CRADD: variants seen among roughly 807,000 people sequenced by gnomAD.
CRADD encodes death domain-containing protein CRADD.
CRADD carries 9 observed loss-of-function variants against 15.5 expected under a neutral mutation model. That is an observed-to-expected ratio of 0.58 (90% CI 0.35 to 1.01). CRADD has a LOEUF of 1.01. CRADD is among the 50% of genes least tolerant of loss of function. CRADD has a pLI of 0.02. For missense variants in CRADD, 227 were observed against 250.3 expected (o/e 0.91, Z 0.63); for synonymous variants, 118 against 107.6 (o/e 1.10, Z -0.60).
At chr12:93,681,695 G>A (rs564882045) in intron 2 of CRADD, among the ~76,000 whole-genome samples, 5 of 152,018 alleles carry the variant, frequency 3.3e-5, no homozygotes, top group East Asian at 3.8e-4. Flanking sequence ...TAAAAACCCC[G>A]GGCACTCCTT....
chr12:93,687,770 G>C (rs1955471199), intron 2 of CRADD, among the ~76,000 whole-genome samples: 1 of 152,166 alleles, frequency 6.6e-6, no homozygotes, highest in African/African-American at 2.4e-5. Context: ...TTTATTCCTT[G>C]AATTTCCTGA....
intron 2 of CRADD, among the ~76,000 whole-genome samples, chr12:93,707,080 G>A (rs1384173984): frequency 6.6e-6 from 1 of 152,126 alleles, no homozygotes; most frequent in Non-Finnish European, 1.5e-5. Flanking sequence ...CCCATTCAAA[G>A]TCATCTCATT....
intron 2 of CRADD, chr12:93,735,677 GA>G (rs1956554133): frequency 6.6e-6 from 1 of 152,160 alleles, no homozygotes. Context: ...AAGGCGAGAA[GA>G]TCGCTTGAAG....
At chr12:93,697,249 GC>G (rs1430036477) in intron 2 of CRADD, among the ~76,000 whole-genome samples, 1 of 152,204 alleles carries the variant, frequency 6.6e-6, no homozygotes, top group Non-Finnish European at 1.5e-5. Flanking sequence ...AGTCATAGGG[GC>G]TTTACCCTCA....
chr12:93,729,479 A>G (rs1258063415), intron 2 of CRADD, among the ~76,000 whole-genome samples: 1 of 152,106 alleles, frequency 6.6e-6, no homozygotes, highest in Non-Finnish European at 1.5e-5. Context: ...AGCAGAAACT[A>G]AATAAATTTT....
At chr12:93,687,322 C>T (rs1472400957) in intron 2 of CRADD, among the ~76,000 whole-genome samples, 5 of 152,130 alleles carry the variant, frequency 3.3e-5, no homozygotes, top group African/African-American at 7.2e-5. Flanking sequence ...ATAGACCGTT[C>T]GGCTGCATCA....
intron 2 of CRADD, among the ~76,000 whole-genome samples, chr12:93,711,908 A>G (rs1956081883): frequency 6.6e-6 from 1 of 152,084 alleles, no homozygotes; most frequent in Admixed American, 6.5e-5. Context: ...GGCGTGAGCC[A>G]CCACTCCTGG....
chr12:93,705,488 G>A (rs1416327528), intron 2 of CRADD, among the ~76,000 whole-genome samples: 1 of 152,160 alleles, frequency 6.6e-6, no homozygotes, highest in Non-Finnish European at 1.5e-5. Flanking sequence ...CTTAATGATC[G>A]GAAGAGATGC....
At chr12:93,751,583 G>A (rs1227902692) in intron 2 of CRADD, among the ~76,000 whole-genome samples, 2 of 152,080 alleles carry the variant, frequency 1.3e-5, no homozygotes, top group Non-Finnish European at 1.5e-5. Flanking sequence ...CTTTATCTTG[G>A]GCCAGGCGTG....
intron 2 of CRADD, among the ~76,000 whole-genome samples, chr12:93,719,567 C>T (rs925224559): frequency 5.3e-5 from 8 of 152,266 alleles, no homozygotes; most frequent in East Asian, 1.9e-4. Context: ...AGTGAACTCA[C>T]CTGGGCTTGG....
chr12:93,687,601 C>T lies in CRADD; in HGVS notation c.298+8529C>T, dbSNP rs12318728. Among the ~76,000 whole-genome samples, 1,409 of 152,324 alleles carry T rather than the reference C, an allele frequency of 9.3e-3. 16 individuals carry two copies. The highest frequency in any genetic ancestry group is 0.032 in the African/African-American group (1,350 of 41,576). ...GGGGTTGAGAACCTTGAGCTCTGAC[C>T]AGCTGGTTAGGAGCGTGCCTCCTTC... is the stretch of plus-strand genomic sequence containing the variant. On this transcript the variant is annotated intron_variant, in intron 2 of 2. Coordinates refer to ENST00000332896, the MANE Select transcript of CRADD (RefSeq NM_003805.5).
intron 2 of CRADD, among the ~76,000 whole-genome samples, chr12:93,823,896 C>T (rs1462847116): frequency 6.6e-5 from 10 of 152,112 alleles, no homozygotes; most frequent in Non-Finnish European, 1.5e-4. Flanking sequence ...CTGCACAGGC[C>T]GGGAAATTGT....
rs1041363921 is a variant in CRADD, at chr12:93,850,406, A to G, written c.*135A>G. Reference sequence around the variant, plus strand: ...TGATCTTCAGATGGAAGGAGAAAACAGGGTTTCCACTAGACATTACTTGAA... The same window carrying G: ...TGATCTTCAGATGGAAGGAGAAAACGGGGTTTCCACTAGACATTACTTGAA... On this transcript the variant is annotated 3_prime_UTR_variant, in exon 3 of 3. Transcript: ENST00000332896. The surrounding 1 kb of genome is among the most constrained non-coding windows in gnomAD (Gnocchi z 4.0). The G allele has an allele frequency of 7.5e-5, 104 of 1,395,100 alleles. No individual in the cohort carries two copies. Among genetic ancestry groups the G allele is most frequent in the Non-Finnish European group, 9.3e-5 (101 of 1,081,962 alleles). The allele number at this position is 1,395,100 out of a possible 1,614,324, so 86.4% of individuals were successfully genotyped here. A position where few individuals can be genotyped will look rare whatever the true frequency, so the allele number is the denominator to read the frequency against.
chr12:93,890,879 A>G (rs1294734608), intron 2 of CRADD, among the ~76,000 whole-genome samples: 1 of 150,718 alleles, frequency 6.6e-6, no homozygotes, highest in Non-Finnish European at 1.5e-5. Flanking sequence ...CCTCCCAAGT[A>G]ATTGGGACTA....
chr12:93,894,190 A>G (rs1958596386), exon 3 of CRADD: 5 of 606,550 alleles, frequency 8.2e-6, no homozygotes. Flanking sequence ...TTCTCAATCA[A>G]GGGCGATTTT....
At chr12:93,691,379 G>A (rs1236899115) in intron 2 of CRADD, among the ~76,000 whole-genome samples, 3 of 151,396 alleles carry the variant, frequency 2.0e-5, no homozygotes, top group East Asian at 1.9e-4. Context: ...TCAGCCTTCC[G>A]AGTAGCTGGG....
intron 2 of CRADD, among the ~76,000 whole-genome samples, chr12:93,682,611 G>A (rs745435871): frequency 3.3e-5 from 5 of 152,072 alleles, no homozygotes; most frequent in Admixed American, 6.6e-5. Context: ...TGTCTCAGAG[G>A]CTTTATTTTG....
intron 2 of CRADD, among the ~76,000 whole-genome samples, chr12:93,887,019 CACAGTT>C (rs1484694878): frequency 1.3e-5 from 2 of 152,144 alleles, no homozygotes; most frequent in Non-Finnish European, 1.5e-5. Context: ...GTGGGTTGCC[CACAGTT>C]ATAAGCCTAT....
chr12:93,853,391 T>C (rs1958244297), downstream of CRADD, among the ~76,000 whole-genome samples: 1 of 152,180 alleles, frequency 6.6e-6, no homozygotes, highest in Non-Finnish European at 1.5e-5. Flanking sequence ...TCTGTGCCAA[T>C]GATTTCAATA....
Sources: allele counts gnomAD v4.1 joint callset (sites outside exome capture counted in the v4.1 genomes callset), GRCh38; gene constraint gnomAD v4.1.1; non-coding constraint Gnocchi (gnomAD v3.1); transcripts MANE v1.5; gene names NCBI Gene and HGNC (gene_info 2026-07-23, HGNC 2026-07-21).